Variants in MTA3 observed in about 807,000 individuals in gnomAD.
MTA3 encodes the protein metastasis associated 1 family member 3.
MTA3 carries 34 observed loss-of-function variants against 83.5 expected under a neutral mutation model. The observed-to-expected ratio is 0.41, with a 90% CI of 0.31 to 0.54. The LOEUF (loss-of-function observed/expected upper bound fraction) is 0.54, where lower values mean the gene tolerates loss of function less well. Among genes scored for constraint, MTA3 ranks in the 20% least tolerant of loss-of-function variants. MTA3 has a pLI of 0.33. For synonymous variants in MTA3, 303 were observed against 252.7 expected (o/e 1.20, Z -1.89); for missense variants, 761 against 726.4 (o/e 1.05, Z -0.55).
At chr2:42,542,001 G>C (rs1676538792) in intron 2 of MTA3, among the ~76,000 whole-genome samples, 1 of 152,190 alleles carries the variant, frequency 6.6e-6, no homozygotes, top group South Asian at 2.1e-4. Flanking sequence ...AGGGTTGTGA[G>C]GAGCCAAGGC....
intron 3 of MTA3, among the ~76,000 whole-genome samples, chr2:42,601,634 C>T (rs1293273967): frequency 1.3e-5 from 2 of 152,182 alleles, no homozygotes; most frequent in African/African-American, 2.4e-5. Context: ...GGGATTCTCC[C>T]ACCTCGGCCT....
intron 3 of MTA3, among the ~76,000 whole-genome samples, chr2:42,607,023 A>C (rs1683527572): frequency 6.9e-6 from 1 of 144,312 alleles, no homozygotes; most frequent in African/African-American, 2.5e-5. Flanking sequence ...GCAGCAGTAC[A>C]GTCCAGCTTC....
Position 42,708,779 on chromosome 2 carries a change from T to G in MTA3, c.1303-95T>G, listed in dbSNP as rs7607058. 428 of 1,298,422 alleles carry G rather than the reference T, an allele frequency of 3.3e-4. No homozygotes were observed. The African/African-American group carries it at 5.9e-3, about 18-fold the overall frequency. 80.4% of individuals were successfully genotyped at this position (1,298,422 alleles called of 1,614,324 possible). A position where few individuals can be genotyped will look rare whatever the true frequency, so the allele number is the denominator to read the frequency against. On this transcript the variant is annotated intron_variant, in intron 13 of 16. Transcript: ENST00000405094. ...ACGTTATAGATGCTTCATGAAAGATTTAAAAGTTGCACTTTTCTTTTGAGC... is the reference window on the plus strand; with the variant it reads ...ACGTTATAGATGCTTCATGAAAGATGTAAAAGTTGCACTTTTCTTTTGAGC...
At chr2:42,603,382 T>C (rs1682822615) in intron 3 of MTA3, among the ~76,000 whole-genome samples, 1 of 152,182 alleles carries the variant, frequency 6.6e-6, no homozygotes, top group African/African-American at 2.4e-5. Context: ...TGTTTTAAAA[T>C]TGATAGCAAG....
At chr2:42,670,863 C>T (rs1690729647) in intron 8 of MTA3, among the ~76,000 whole-genome samples, 1 of 151,824 alleles carries the variant, frequency 6.6e-6, no homozygotes, top group African/African-American at 2.4e-5. Context: ...AGGATATTCT[C>T]ATATATTAGT....
At chr2:42,548,861 T>TAAAATATATATATA (rs1275750860) in intron 2 of MTA3, among the ~76,000 whole-genome samples, 1 of 7,484 alleles carries the variant, frequency 1.3e-4, no homozygotes, top group Non-Finnish European at 2.3e-4. Flanking sequence ...ATATATATAA[T>TAAAATATATATATA]ATATATATAT....
chr2:42,745,143 A>G (rs909553729), intron 16 of MTA3, among the ~76,000 whole-genome samples: 13 of 152,224 alleles, frequency 8.5e-5, no homozygotes, highest in African/African-American at 2.9e-4. Context: ...ATCAGCAACT[A>G]TTTACATATA....
At chr2:42,731,248 T>TA (rs1163072626) in intron 16 of MTA3, among the ~76,000 whole-genome samples, 102 of 152,330 alleles carry the variant, frequency 6.7e-4, no homozygotes, top group African/African-American at 2.3e-3. Flanking sequence ...CTATTTTGGA[T>TA]TTAGTTTGCT....
At chr2:42,610,699 C>A (rs527715016) in intron 4 of MTA3, among the ~76,000 whole-genome samples, 2 of 152,056 alleles carry the variant, frequency 1.3e-5, no homozygotes, top group African/African-American at 2.4e-5. Flanking sequence ...TTCTTACCCT[C>A]GGTCAGGAAA....
intron 12 of MTA3, among the ~76,000 whole-genome samples, chr2:42,706,143 G>A (rs1451856953): frequency 6.6e-6 from 1 of 152,152 alleles, no homozygotes; most frequent in East Asian, 1.9e-4. Context: ...GGGGAGCAGG[G>A]AGGGATAGCT....
chr2:42,641,519 A>C (rs1449485860), intron 5 of MTA3, among the ~76,000 whole-genome samples: 1 of 152,170 alleles, frequency 6.6e-6, no homozygotes, highest in Non-Finnish European at 1.5e-5. Context: ...CAGAAAGAAA[A>C]AGGCAAAACA....
intron 3 of MTA3, among the ~76,000 whole-genome samples, chr2:42,598,637 CT>C (rs1682146815): frequency 6.6e-6 from 1 of 152,122 alleles, no homozygotes; most frequent in African/African-American, 2.4e-5. Context: ...GATAAATATA[CT>C]GCATTTTGTT....
intron 5 of MTA3, among the ~76,000 whole-genome samples, chr2:42,641,636 A>G (rs565636800): frequency 6.6e-6 from 1 of 152,130 alleles, no homozygotes; most frequent in Admixed American, 6.5e-5. Context: ...TCACGAGGTC[A>G]GGAGTTCGAG....
chr2:42,707,909 A>G lies in MTA3; in HGVS notation c.1157A>G (p.Gln386Arg). 6.4e-7 allele frequency: 1 copy of G among 1,563,972 alleles called. No homozygotes were observed. Among genetic ancestry groups the G allele is most frequent in the Non-Finnish European group, 8.6e-7 (1 of 1,160,468 alleles). Residue 386 changes from glutamine (Q) to arginine (R), a missense_variant, in exon 13 of 17, where the codon CAG (glutamine) becomes CGG (arginine). By Grantham distance (43) the Gln-to-Arg change is conservative. Coordinates refer to ENST00000405094, the MANE Select transcript of MTA3 (RefSeq NM_001330442.2). ...TATTTTTCTTCTGCTTTAGCTACAC[A>G]GTCTCACCAGTGGTATTCTTGGGGC... ...GRACESCYATQSHQWYSWGPP... is the reference protein window; with the variant it reads ...GRACESCYATRSHQWYSWGPP...
intron 2 of MTA3, among the ~76,000 whole-genome samples, chr2:42,526,236 AGTTTTT>A (rs2103707872): frequency 6.7e-6 from 1 of 150,024 alleles, no homozygotes; most frequent in East Asian, 2.0e-4. Context: ...GGTTTTGTTT[AGTTTTT>A]GTTTTTGAGA....
chr2:42,720,155 CTTTATTTA>C (rs71410129), intron 15 of MTA3, among the ~76,000 whole-genome samples: 3 of 147,488 alleles, frequency 2.0e-5, no homozygotes, highest in East Asian at 2.0e-4. Context: ...TTATTCCTTG[CTTTATTTA>C]TTTATTTATT....
intron 16 of MTA3, among the ~76,000 whole-genome samples, chr2:42,741,411 CTGTT>C (rs1025316665): frequency 7.9e-5 from 12 of 152,332 alleles, no homozygotes; most frequent in African/African-American, 2.9e-4. Context: ...ACTTGGTTAA[CTGTT>C]TGGTGCAAGA....
intron 4 of MTA3, among the ~76,000 whole-genome samples, chr2:42,612,351 A>T (rs763777868): frequency 6.6e-6 from 1 of 152,000 alleles, no homozygotes; most frequent in Non-Finnish European, 1.5e-5. Flanking sequence ...AGTAGCTGGG[A>T]CTACAGGCTT....
At position 42,756,932 on chromosome 2, in the gene MTA3, A is replaced by G. The variant is rs1670280144; in HGVS notation, c.*3533A>G. 1 of 985,314 alleles carries G rather than the reference A, an allele frequency of 1.0e-6. No homozygotes were observed. Among genetic ancestry groups the G allele is most frequent in the African/African-American group, 1.7e-5 (1 of 57,200 alleles). 61.0% of individuals were successfully genotyped at this position (985,314 alleles called of 1,614,324 possible). A position where few individuals can be genotyped will look rare whatever the true frequency, so the allele number is the denominator to read the frequency against. On this transcript the variant is annotated 3_prime_UTR_variant, in exon 17 of 17. Transcript: ENST00000405094. ...CCAATTTGTATTGTGTTTCCAATAA[A>G]TTCCTGGAAATTTTGCCTGGTTTTA...
Sources: allele counts gnomAD v4.1 joint callset (sites outside exome capture counted in the v4.1 genomes callset), GRCh38; gene constraint gnomAD v4.1.1; transcripts MANE v1.5; gene names NCBI Gene and HGNC (gene_info 2026-07-23, HGNC 2026-07-21).